Variants in NAV3 observed in about 807,000 individuals in gnomAD.
NAV3 encodes the protein pore membrane and/or filament interacting like protein 1.
NAV3 carries 87 observed loss-of-function variants against 244.7 expected under a neutral mutation model. The observed-to-expected ratio is 0.36, with a 90% CI of 0.30 to 0.42. The LOEUF (loss-of-function observed/expected upper bound fraction) is 0.42. Ranked by LOEUF, NAV3 falls within the 20% of genes least tolerant of loss-of-function variation. The probability of loss-of-function intolerance (pLI) is 1.00; values close to 1 mark genes in which losing one functional copy is unlikely to be tolerated. For synonymous variants in NAV3, 1,126 were observed against 1,042.2 expected (o/e 1.08, Z -1.55); for missense variants, 2,663 against 2,893.3 (o/e 0.92, Z 1.83).
chr12:78,050,946 T>A lies in NAV3; in HGVS notation c.2315T>A (p.Ile772Asn), dbSNP rs752330645. Residue 772 changes from isoleucine (I) to asparagine (N), a missense_variant, in exon 11 of 40, where the codon ATC becomes AAC. Coordinates refer to ENST00000397909, the MANE Select transcript of NAV3 (RefSeq NM_001024383.2). ...GYPRSGTSRF[I>N]HTDPSRFMYT... ...CCTCGCAGTGGTACCAGTCGATTCATCCACACAGACCCCTCGAGGTTCATG... is the reference window on the plus strand; with the variant it reads ...CCTCGCAGTGGTACCAGTCGATTCAACCACACAGACCCCTCGAGGTTCATG... The A allele has an allele frequency of 6.2e-7, 1 of 1,614,004 alleles. No individual in the cohort carries two copies. The highest frequency in any genetic ancestry group is 1.1e-5 in the South Asian group (1 of 91,070).
chr12:78,051,512 T>A (rs1350191244), intron 11 of NAV3, among the ~76,000 whole-genome samples: 2 of 152,120 alleles, frequency 1.3e-5, no homozygotes, highest in Non-Finnish European at 2.9e-5. Context: ...TTTTTTAGCT[T>A]GTTAGAAGCT....
At chr12:77,888,729 A>G (rs930788912) in intron 1 of NAV3, among the ~76,000 whole-genome samples, 1 of 152,136 alleles carries the variant, frequency 6.6e-6, no homozygotes, top group Non-Finnish European at 1.5e-5. Context: ...ACCTGTATGT[A>G]TTAAGCATTG....
At chr12:77,902,366 A>C (rs1885402907) in intron 1 of NAV3, among the ~76,000 whole-genome samples, 1 of 152,236 alleles carries the variant, frequency 6.6e-6, no homozygotes, top group Non-Finnish European at 1.5e-5. Context: ...AACTGAGCCT[A>C]TGAAAAATAC....
At chr12:77,638,279 A>G (rs990194373) in intron 2 of NAV3, among the ~76,000 whole-genome samples, 1 of 152,212 alleles carries the variant, frequency 6.6e-6, no homozygotes, top group Non-Finnish European at 1.5e-5. Context: ...CTGCTTTGAA[A>G]ACAAAGGACA....
At chr12:78,068,234 C>A (rs116629158) in intron 12 of NAV3, among the ~76,000 whole-genome samples, 215 of 151,932 alleles carry the variant, frequency 1.4e-3, no homozygotes, top group African/African-American at 5.0e-3. Context: ...CCCATAGATA[C>A]TTTCTTAATA....
At position 78,188,337 on chromosome 12, in the gene NAV3, C is replaced by T. The variant is rs1468857474; in HGVS notation, c.5880C>T (p.Leu1960=). Residue 1960 remains leucine (L), a synonymous_variant, in exon 32 of 40, where the codon CTC becomes CTT. Coordinates refer to ENST00000397909, the MANE Select transcript of NAV3 (RefSeq NM_001024383.2). ...WDVLDGVIRR[L]FKEYVFRIDT... Reference sequence around the variant, plus strand: ...TCTTAGATGGTGTAATAAGACGTCTCTTTAAGGTATGTTGTGCAAGACACC... The same window carrying T: ...TCTTAGATGGTGTAATAAGACGTCTTTTTAAGGTATGTTGTGCAAGACACC... 1.2e-6 allele frequency: 2 copies of T among 1,609,328 alleles called. No homozygotes were observed. The highest frequency in any genetic ancestry group is 1.3e-5 in the African/African-American group (1 of 74,736).
intron 2 of NAV3, among the ~76,000 whole-genome samples, chr12:77,618,583 C>CTAATT (rs1049843135): frequency 4.7e-4 from 72 of 152,174 alleles, no homozygotes; most frequent in African/African-American, 1.7e-3. Context: ...TAAATACTAT[C>CTAATT]AAATTTATTT....
intron 2 of NAV3, among the ~76,000 whole-genome samples, chr12:77,777,877 C>T (rs957948890): frequency 2.0e-5 from 3 of 151,636 alleles, no homozygotes; most frequent in African/African-American, 7.3e-5. Context: ...ACGATGTCAG[C>T]TCACTGCAAC....
At position 78,177,189 on chromosome 12, in the gene NAV3, C is replaced by A. The variant is rs1257837468; in HGVS notation, c.5173C>A (p.Pro1725Thr). 1 of 1,613,340 alleles carries A rather than the reference C, an allele frequency of 6.2e-7. No individual in the cohort carries two copies. ...CTTTGGGAAGAAAAAGTCCACCAAG[C>A]CTCCTTCATCACATTCTGACATTGA... is the stretch of plus-strand genomic sequence containing the variant. ...QAFGKKKSTK[P>T]PSSHSDIEEL... Residue 1725 changes from proline to threonine, a missense_variant, in exon 27 of 40, where the codon CCT (proline) becomes ACT (threonine). Coordinates refer to ENST00000397909, the MANE Select transcript of NAV3 (RefSeq NM_001024383.2).
intron 19 of NAV3, among the ~76,000 whole-genome samples, chr12:78,139,690 A>T (rs1956524248): frequency 6.6e-6 from 1 of 152,158 alleles, no homozygotes; most frequent in East Asian, 1.9e-4. Context: ...CCAGTGCGAC[A>T]TTTCCATTCT....
chr12:78,019,813 G>A (rs915899759), intron 8 of NAV3, among the ~76,000 whole-genome samples: 1 of 152,042 alleles, frequency 6.6e-6, no homozygotes, highest in Non-Finnish European at 1.5e-5. Flanking sequence ...TGTAAGTTCC[G>A]TAAAGTTTTC....
At chr12:78,012,733 T>C (rs1240381389) in intron 8 of NAV3, among the ~76,000 whole-genome samples, 2 of 152,136 alleles carry the variant, frequency 1.3e-5, no homozygotes, top group South Asian at 2.1e-4. Context: ...GAATATATAT[T>C]ATGCGCCTTC....
At chr12:78,127,358 A>T (rs944331101) in intron 17 of NAV3, 150 bp downstream of exon 17, 6 of 712,966 alleles carry the variant, frequency 8.4e-6, no homozygotes, top group Admixed American at 2.7e-5. Context: ...TGGCCCGAAC[A>T]GTTGGTGAGA....
Position 77,973,049 on chromosome 12 carries a change from T to TTAA in NAV3, c.671+4347_671+4348insTAA, listed in dbSNP as rs1367147149. 2.0e-5 allele frequency among the ~76,000 whole-genome samples: 3 copies of TTAA among 152,190 alleles called. No individual in the cohort carries two copies. In the East Asian group the frequency reaches 5.8e-4, roughly 29 times the overall value. ...TGTACTGACCTGGTTATATACAAGGTGTTAGGATGATAGTACATGTAAAAG... is the reference window on the plus strand; with the variant it reads ...TGTACTGACCTGGTTATATACAAGGTTAAGTTAGGATGATAGTACATGTAAAAG... On this transcript the variant is annotated intron_variant, in intron 5 of 39. Transcript: ENST00000397909.
intron 2 of NAV3, among the ~76,000 whole-genome samples, chr12:77,718,242 A>T (rs1876450779): frequency 6.6e-6 from 1 of 152,134 alleles, no homozygotes; most frequent in African/African-American, 2.4e-5. Context: ...TTTTGAGTTA[A>T]TTTTTTGTAC....
At chr12:77,654,129 C>G (rs1369943589) in intron 2 of NAV3, among the ~76,000 whole-genome samples, 2 of 152,126 alleles carry the variant, frequency 1.3e-5, no homozygotes, top group Admixed American at 1.3e-4. Context: ...ACGCACCGTG[C>G]GTGAGCCGAA....
At chr12:77,804,431 A>G (rs993591120) in intron 2 of NAV3, among the ~76,000 whole-genome samples, 6 of 152,002 alleles carry the variant, frequency 3.9e-5, no homozygotes, top group Non-Finnish European at 8.8e-5. Flanking sequence ...ATAAGGAATC[A>G]TTTCCCCATT....
intron 1 of NAV3, among the ~76,000 whole-genome samples, chr12:77,924,255 G>A (rs749845966): frequency 1.2e-4 from 18 of 152,074 alleles, no homozygotes; most frequent in Admixed American, 1.3e-4. Flanking sequence ...TGGGCAAAAC[G>A]AAGAATAGGT....
At chr12:77,840,206 C>T (rs973324863) in intron 1 of NAV3, among the ~76,000 whole-genome samples, 2 of 152,178 alleles carry the variant, frequency 1.3e-5, no homozygotes, top group Admixed American at 6.5e-5. Flanking sequence ...ACAGGTTACT[C>T]ACCAATCTTA....
Sources: gnomAD v4.1 joint callset for allele counts (sites outside exome capture counted in the v4.1 genomes callset) on GRCh38, gnomAD v4.1.1 for gene constraint, MANE v1.5 for transcripts, NCBI Gene and HGNC (gene_info 2026-07-23, HGNC 2026-07-21) for gene names.